Variants in BLM observed in about 807,000 individuals in gnomAD.
BLM encodes the protein BLM RecQ like helicase.
Under a neutral mutation model 135.3 loss-of-function variants are expected in BLM, and 95 were observed. That is an observed-to-expected ratio of 0.70 (90% CI 0.59 to 0.83). The LOEUF is 0.83. Ranked by LOEUF, BLM falls within the 40% of genes least tolerant of loss-of-function variation. The pLI, the probability that BLM is intolerant of heterozygous loss-of-function variation, is 0.00. For synonymous variants in BLM, 520 were observed against 589.2 expected (o/e 0.88, Z 1.70); for missense variants, 1,518 against 1,663.9 (o/e 0.91, Z 1.53).
At chr15:90,747,237 CAAAAAAAAAAAAAAA>C (rs59331923) in intron 1 of BLM, among the ~76,000 whole-genome samples, 137 bp from the exon 2 acceptor site, 3 of 39,254 alleles carry the variant, frequency 7.6e-5, no homozygotes, top group Admixed American at 6.4e-4. Context: ...GTCTATTGAC[CAAAAAAAAAAAAAAA>C]AAAAAAAAAA....
intron 1 of BLM, among the ~76,000 whole-genome samples, chr15:90,721,023 T>C (rs1894751043): frequency 1.3e-5 from 2 of 152,140 alleles, no homozygotes; most frequent in Admixed American, 1.3e-4. Context: ...CAAAACCCCG[T>C]CTCTACCAAA....
At chr15:90,804,022 C>T in intron 18 of BLM, 145 bp from the exon 19 acceptor site, 1 of 767,352 alleles carries the variant, frequency 1.3e-6, no homozygotes, top group Non-Finnish European at 2.2e-6. Context: ...ATGGAGAATG[C>T]ACAGCCCCTG....
rs909549138 is a variant in BLM at position 90,766,760 on chromosome 15, T to A, written c.2194-150T>A. On this transcript the variant is annotated intron_variant, in intron 9 of 21. Transcript: ENST00000355112. Reference sequence around the variant, plus strand: ...TGCTTAATAAGGGTTTTTTAAAATGTATGTACTTACATACTTGTTATGTTG... The same window carrying A: ...TGCTTAATAAGGGTTTTTTAAAATGAATGTACTTACATACTTGTTATGTTG... The A allele has an allele frequency of 8.4e-6, 5 of 594,896 alleles. No individual in the cohort carries two copies. The African/African-American group carries it at 9.4e-5, about 11-fold the overall frequency. 36.9% of individuals were successfully genotyped at this position (594,896 alleles called of 1,614,324 possible). A position where few individuals can be genotyped will look rare whatever the true frequency, so the allele number is the denominator to read the frequency against.
chr15:90,807,974 C>T (rs1897320070), intron 19 of BLM, among the ~76,000 whole-genome samples: 1 of 152,144 alleles, frequency 6.6e-6, no homozygotes, highest in South Asian at 2.1e-4. Flanking sequence ...CATATCTTGA[C>T]CTCAGGAATG....
chr15:90,767,033 T>C lies in BLM; in HGVS notation c.2307+10T>C, dbSNP rs755168095. On this transcript the variant is annotated intron_variant, in intron 10 of 21. Coordinates refer to ENST00000355112, the MANE Select transcript of BLM (RefSeq NM_000057.4). ...TGTCACTCCAGAAAAGGTTTGTATT[T>C]ATATCATTATTTTAAAATATATTAA... 1 of 1,453,058 alleles carries C rather than the reference T, an allele frequency of 6.9e-7. No individual in the cohort carries two copies. Among genetic ancestry groups the C allele is most frequent in the Non-Finnish European group, 9.6e-7 (1 of 1,043,888 alleles). 90.0% of individuals were successfully genotyped at this position (1,453,058 alleles called of 1,614,324 possible).
intron 12 of BLM, among the ~76,000 whole-genome samples, chr15:90,780,474 C>G (rs1366651980): frequency 6.6e-6 from 1 of 152,150 alleles, no homozygotes; most frequent in Admixed American, 6.5e-5. Flanking sequence ...CCTGCCTTGG[C>G]CTTCCAAAAT....
chr15:90,798,610 G>A (rs1329713893), intron 17 of BLM, among the ~76,000 whole-genome samples: 1 of 151,404 alleles, frequency 6.6e-6, no homozygotes. Context: ...TAAAATGTCA[G>A]TAAGGAAATA....
intron 5 of BLM, among the ~76,000 whole-genome samples, chr15:90,757,157 G>C (rs981363280): frequency 6.6e-6 from 1 of 152,088 alleles, no homozygotes; most frequent in Non-Finnish European, 1.5e-5. Context: ...TTGATAACAG[G>C]CTCTAGAATT....
intron 14 of BLM, among the ~76,000 whole-genome samples, chr15:90,785,364 A>G (rs1179954206): frequency 9.2e-5 from 14 of 152,084 alleles, no homozygotes. Context: ...AATCATCTCT[A>G]TCTAATTCCA....
At chr15:90,790,940 T>C (rs1362782711) in intron 15 of BLM, 96 bp downstream of exon 15, 1 of 1,242,652 alleles carries the variant, frequency 8.0e-7, no homozygotes, top group African/African-American at 1.5e-5. Context: ...CAGTTTTCCT[T>C]AAATAATCGT....
At chr15:90,782,787 A>G (rs1157874493) in intron 12 of BLM, 35 bp from the exon 13 acceptor site, 5 of 1,499,376 alleles carry the variant, frequency 3.3e-6, no homozygotes, top group Non-Finnish European at 4.6e-6. Flanking sequence ...ATATTTTCTC[A>G]TAATAACTAA....
At chr15:90,787,396 G>C (rs568254730) in intron 14 of BLM, among the ~76,000 whole-genome samples, 57 of 152,180 alleles carry the variant, frequency 3.7e-4, no homozygotes, top group African/African-American at 1.4e-3. Context: ...GCCTTGGATA[G>C]ATCCCTCTAA....
chr15:90,771,165 T>C (rs1896302647), intron 12 of BLM, among the ~76,000 whole-genome samples: 1 of 152,194 alleles, frequency 6.6e-6, no homozygotes, highest in African/African-American at 2.4e-5. Flanking sequence ...GCGTCTATAA[T>C]TGATATGCAT....
intron 1 of BLM, among the ~76,000 whole-genome samples, chr15:90,721,388 G>A (rs1894761587): frequency 6.6e-6 from 1 of 151,910 alleles, no homozygotes; most frequent in African/African-American, 2.4e-5. Context: ...GTGCAGTGGC[G>A]TGATCTCAGC....
At chr15:90,758,077 G>A (rs1285887193) in intron 5 of BLM, among the ~76,000 whole-genome samples, 5 of 151,582 alleles carry the variant, frequency 3.3e-5, no homozygotes, top group Non-Finnish European at 5.9e-5. Flanking sequence ...ACAGGGTTTC[G>A]CCACGTTGAC....
rs1262628899 is a variant in BLM at position 90,763,134 on chromosome 15, A to C, written c.2051A>C (p.Asp684Ala). 3 of 1,614,032 alleles carry C rather than the reference A, an allele frequency of 1.9e-6. No individual in the cohort carries two copies. Among genetic ancestry groups the C allele is most frequent in the African/African-American group, 2.7e-5 (2 of 75,014 alleles). The change falls in exon 8 of 22, where the codon GAC becomes GCC. Residue 684 changes from aspartate to alanine, a missense_variant. Physicochemically the swap from Asp to Ala is moderately radical, Grantham distance 126 (BLOSUM62 -2). Around this residue, in one of 5 missense-constraint regions of BLM, gnomAD observed 13 missense variants for 35.8 expected, o/e 0.36. Coordinates refer to ENST00000355112, the MANE Select transcript of BLM (RefSeq NM_000057.4). ...ATCAATGCTGCACTGCTTGGTGAAGACTGTTTTATCCTGATGCCGACTGGT... is the reference window on the plus strand; with the variant it reads ...ATCAATGCTGCACTGCTTGGTGAAGCCTGTTTTATCCTGATGCCGACTGGT... ...EAINAALLGE[D>A]CFILMPTGGG...
At chr15:90,773,095 C>CAAAAAAAA (rs780966709) in intron 12 of BLM, among the ~76,000 whole-genome samples, 12 of 43,450 alleles carry the variant, frequency 2.8e-4, no homozygotes, top group African/African-American at 3.8e-4. Context: ...GAGACTGTCT[C>CAAAAAAAA]AAAAAAAAAA....
At chr15:90,809,300 A>G in intron 20 of BLM, 41 bp downstream of exon 20, 4 of 1,613,778 alleles carry the variant, frequency 2.5e-6, no homozygotes, top group Non-Finnish European at 3.4e-6. Flanking sequence ...AGCCTGTTTA[A>G]TGTGAAGCGA....
intron 1 of BLM, among the ~76,000 whole-genome samples, chr15:90,741,691 A>G (rs1319155559): frequency 1.3e-5 from 2 of 152,108 alleles, no homozygotes; most frequent in East Asian, 1.9e-4. Context: ...CTAATTATCT[A>G]TTGTTATGAC....
Sources: gnomAD v4.1 joint callset for allele counts (sites outside exome capture counted in the v4.1 genomes callset) on GRCh38, gnomAD v4.1.1 for gene constraint, gnomAD v4.1.1 regional missense constraint, MANE v1.5 for transcripts, NCBI Gene and HGNC (gene_info 2026-07-23, HGNC 2026-07-21) for gene names.